The following UBAC2 variants were observed in gnomAD, a reference collection of about 807,000 sequenced individuals.
UBAC2 encodes ubiquitin-associated domain-containing protein 2.
UBAC2 carries 26 observed loss-of-function variants against 44.0 expected under a neutral mutation model. The ratio of observed to expected loss-of-function variants is 0.59; its 90% CI spans 0.43 to 0.82. The LOEUF is 0.82. Among genes scored for constraint, UBAC2 ranks in the 40% least tolerant of loss-of-function variants. The probability of loss-of-function intolerance (pLI) is 0.00; values close to 1 mark genes in which losing one functional copy is unlikely to be tolerated. For synonymous variants in UBAC2, 155 were observed against 154.3 expected (o/e 1.00, Z -0.04); for missense variants, 329 against 419.4 (o/e 0.78, Z 1.88).
intron 5 of UBAC2, among the ~76,000 whole-genome samples, chr13:99,316,038 C>A (rs187416795): frequency 2.0e-5 from 3 of 151,972 alleles, no homozygotes; most frequent in Admixed American, 6.6e-5. Flanking sequence ...CATGAGGGAT[C>A]CCCCTTAGCC....
At chr13:99,317,962 AGTGTGCT>A (rs944147858) in intron 5 of UBAC2, 53 bp from the exon 6 acceptor site, 1 of 1,347,722 alleles carries the variant, frequency 7.4e-7, no homozygotes, top group Non-Finnish European at 1.0e-6. Context: ...TGTAAAAATA[AGTGTGCT>A]GTGACTGGCA....
intron 4 of UBAC2, among the ~76,000 whole-genome samples, chr13:99,251,789 C>G (rs545991306): frequency 1.3e-5 from 2 of 152,310 alleles, no homozygotes; most frequent in South Asian, 2.1e-4. Flanking sequence ...TTGCTTCTCT[C>G]AAGCTCCATT....
intron 8 of UBAC2, among the ~76,000 whole-genome samples, chr13:99,376,651 G>T (rs1178759669): frequency 6.6e-6 from 1 of 152,206 alleles, no homozygotes; most frequent in Non-Finnish European, 1.5e-5. Flanking sequence ...ATAAGTAGAT[G>T]TGGAAGACAG....
chr13:99,299,955 T>C (rs1367500900), intron 4 of UBAC2, among the ~76,000 whole-genome samples: 2 of 152,228 alleles, frequency 1.3e-5, no homozygotes, highest in Non-Finnish European at 2.9e-5. Context: ...TTCAGGTTTC[T>C]TCCTCTGTTC....
chr13:99,286,704 G>A (rs141840574), intron 4 of UBAC2, among the ~76,000 whole-genome samples: 2 of 152,074 alleles, frequency 1.3e-5, no homozygotes, highest in African/African-American at 4.8e-5. Context: ...TCCTATCTTC[G>A]TGTCCATGTG....
At chr13:99,353,020 T>C (rs1303972535) in intron 7 of UBAC2, among the ~76,000 whole-genome samples, 48 of 152,326 alleles carry the variant, frequency 3.2e-4, no homozygotes, top group Non-Finnish European at 7.4e-5. Context: ...CCTCAGCACT[T>C]TTCCTTTTTG....
intron 4 of UBAC2, among the ~76,000 whole-genome samples, chr13:99,248,024 T>C (rs2043409955): frequency 6.6e-6 from 1 of 152,120 alleles, no homozygotes; most frequent in Non-Finnish European, 1.5e-5. Flanking sequence ...AACCACCTGC[T>C]CTCTTGAGTC....
chr13:99,310,842 A>C (rs919030473), intron 4 of UBAC2, among the ~76,000 whole-genome samples: 3 of 152,222 alleles, frequency 2.0e-5, no homozygotes, highest in Non-Finnish European at 4.4e-5. Context: ...TTTATTACTA[A>C]ATGTAAACAG....
At chr13:99,278,403 AATC>A (rs1472431985) in intron 4 of UBAC2, among the ~76,000 whole-genome samples, 1 of 152,168 alleles carries the variant, frequency 6.6e-6, no homozygotes, top group Non-Finnish European at 1.5e-5. Flanking sequence ...GCACACCTAC[AATC>A]ATCTGTGGTC....
chr13:99,374,221 T>C (rs1436374966), intron 8 of UBAC2, among the ~76,000 whole-genome samples: 3 of 151,168 alleles, frequency 2.0e-5, no homozygotes, highest in Non-Finnish European at 1.5e-5. Context: ...TTCAGGTTGC[T>C]TTTTTTTTAA....
intron 6 of UBAC2, among the ~76,000 whole-genome samples, chr13:99,320,588 G>A (rs561306234): frequency 1.3e-5 from 2 of 152,192 alleles, no homozygotes; most frequent in African/African-American, 4.8e-5. Flanking sequence ...TTAGATGACT[G>A]TTTATTTAAA....
In UBAC2 at chr13:99,339,265, C is replaced by G. The variant is rs550265555; in HGVS notation, c.562-1055C>G. On this transcript the variant is annotated intron_variant, in intron 6 of 8. Coordinates refer to ENST00000403766, the MANE Select transcript of UBAC2 (RefSeq NM_001144072.2). ...GGCACCGCATCATCCTTAAGATCTTCGCTCAAGTATCACTTTCTCTGAGGG... is the reference window on the plus strand; with the variant it reads ...GGCACCGCATCATCCTTAAGATCTTGGCTCAAGTATCACTTTCTCTGAGGG... 3.9e-5 allele frequency among the ~76,000 whole-genome samples: 6 copies of G among 152,346 alleles called. No individual in the cohort carries two copies. In the South Asian group the frequency reaches 8.3e-4, roughly 21 times the overall value.
intron 6 of UBAC2, among the ~76,000 whole-genome samples, chr13:99,338,161 G>A (rs1227264028): frequency 7.1e-6 from 1 of 141,608 alleles, no homozygotes; most frequent in Admixed American, 7.7e-5. Flanking sequence ...AGGTTCAAGC[G>A]ATTCTTGTGC....
At chr13:99,248,929 A>G (rs1376177572) in intron 4 of UBAC2, among the ~76,000 whole-genome samples, 1 of 152,022 alleles carries the variant, frequency 6.6e-6, no homozygotes, top group African/African-American at 2.4e-5. Flanking sequence ...CTTTCTTCTT[A>G]TTTTAATTAG....
intron 7 of UBAC2, among the ~76,000 whole-genome samples, chr13:99,349,495 C>G (rs909324129): frequency 4.6e-5 from 7 of 152,120 alleles, no homozygotes; most frequent in African/African-American, 1.7e-4. Flanking sequence ...TGGCCCTGAA[C>G]GGCTGGGTGC....
intron 4 of UBAC2, among the ~76,000 whole-genome samples, chr13:99,301,090 C>CTTTTTTCTGATATAAT (rs2044250816): frequency 2.0e-5 from 3 of 152,146 alleles, no homozygotes. Context: ...CTTTAGAACA[C>CTTTTTTCTGATATAAT]TAATATCAGA....
At chr13:99,360,518 C>T (rs572615545) in intron 7 of UBAC2, among the ~76,000 whole-genome samples, 1 of 152,308 alleles carries the variant, frequency 6.6e-6, no homozygotes, top group African/African-American at 2.4e-5. Context: ...TATTCTGGCT[C>T]TAGAGACTGT....
Position 99,368,627 on chromosome 13 carries a change from G to T in UBAC2, c.927+721G>T, listed in dbSNP as rs2045362451. On this transcript the variant is annotated intron_variant, in intron 8 of 8. Coordinates refer to ENST00000403766, the MANE Select transcript of UBAC2 (RefSeq NM_001144072.2). ...AAATAAATATATAAAGCAGGGAAAG[G>T]CAAGGGAGAACCCTGTGGGGTTGGA... 2.0e-5 allele frequency among the ~76,000 whole-genome samples: 3 copies of T among 152,178 alleles called. 1 individual carries two copies. In the South Asian group the frequency reaches 6.2e-4, roughly 32 times the overall value.
chr13:99,210,718 C>T (rs2042928991), intron 1 of UBAC2, among the ~76,000 whole-genome samples: 1 of 152,170 alleles, frequency 6.6e-6, no homozygotes, highest in Non-Finnish European at 1.5e-5. Context: ...CTCTGGTGAT[C>T]TGCCTGCCTT....
Sources: gnomAD v4.1 joint callset for allele counts (sites outside exome capture counted in the v4.1 genomes callset) on GRCh38, gnomAD v4.1.1 for gene constraint, MANE v1.5 for transcripts, NCBI Gene and HGNC (gene_info 2026-07-23, HGNC 2026-07-21) for gene names.